Variants in GALNTL6 observed in about 807,000 individuals in gnomAD.
GALNTL6 encodes polypeptide N-acetylgalactosaminyltransferase-like 6.
A neutral mutation model predicts 73.7 loss-of-function variants in GALNTL6; 46 were observed. The observed-to-expected ratio is 0.62, with a 90% CI of 0.49 to 0.80. The LOEUF is 0.80. GALNTL6 is among the 30% of genes least tolerant of loss of function. GALNTL6 has a pLI of 0.00. For synonymous variants in GALNTL6, 259 were observed against 263.7 expected (o/e 0.98, Z 0.17); for missense variants, 604 against 755.0 (o/e 0.80, Z 2.34).
intron 2 of GALNTL6, among the ~76,000 whole-genome samples, chr4:171,958,027 G>GT (rs1253443152): frequency 5.9e-5 from 9 of 152,140 alleles, no homozygotes; most frequent in Non-Finnish European, 1.3e-4. Context: ...GCACCTTTGT[G>GT]TAAGTAATAT....
At chr4:172,963,018 A>C (rs1405994232) in intron 10 of GALNTL6, among the ~76,000 whole-genome samples, 1 of 152,100 alleles carries the variant, frequency 6.6e-6, no homozygotes. Flanking sequence ...CTAGGTAAAA[A>C]TGAAAGTCCT....
At chr4:172,103,893 C>G (rs1482745332) in intron 2 of GALNTL6, among the ~76,000 whole-genome samples, 1 of 151,928 alleles carries the variant, frequency 6.6e-6, no homozygotes, top group Non-Finnish European at 1.5e-5. Context: ...AAAGCAGATA[C>G]TTTGGGGCTA....
At chr4:172,573,447 A>G (rs1188907738) in intron 5 of GALNTL6, among the ~76,000 whole-genome samples, 1 of 152,206 alleles carries the variant, frequency 6.6e-6, no homozygotes, top group Non-Finnish European at 1.5e-5. Flanking sequence ...AAATAGAATC[A>G]TATTTCTATC....
chr4:172,163,733 A>G (rs1246089401), intron 2 of GALNTL6, among the ~76,000 whole-genome samples: 2 of 152,074 alleles, frequency 1.3e-5, no homozygotes, highest in East Asian at 1.9e-4. Context: ...GTTGAGAGCC[A>G]TCTGTAGGTA....
intron 10 of GALNTL6, among the ~76,000 whole-genome samples, chr4:172,974,541 G>T (rs1251904724): frequency 6.6e-6 from 1 of 152,314 alleles, no homozygotes; most frequent in East Asian, 1.9e-4. Flanking sequence ...CATTTAACTA[G>T]ATAGCAGTAG....
intron 10 of GALNTL6, among the ~76,000 whole-genome samples, chr4:172,990,961 A>G (rs1751514245): frequency 6.6e-6 from 1 of 152,220 alleles, no homozygotes. Flanking sequence ...AATAAGCTGA[A>G]TATGTCCCTT....
rs543630760 is a variant in GALNTL6 at position 172,973,292 on chromosome 4, G to T, written c.1371+21034G>T. Among the ~76,000 whole-genome samples, 5 of 152,290 alleles carry T rather than the reference G, an allele frequency of 3.3e-5. No homozygotes were observed. In the South Asian group the frequency reaches 1.0e-3, roughly 32 times the overall value. On this transcript the variant is annotated intron_variant, in intron 10 of 12. Transcript: ENST00000506823. Reference sequence around the variant, plus strand: ...TGGTATGATATGATGCAACGTGAAAGCATTTTAGACAAGCCAGGAAATCAA... The same window carrying T: ...TGGTATGATATGATGCAACGTGAAATCATTTTAGACAAGCCAGGAAATCAA...
chr4:172,215,441 A>G (rs979442300), intron 2 of GALNTL6, among the ~76,000 whole-genome samples: 6 of 152,114 alleles, frequency 3.9e-5, no homozygotes, highest in African/African-American at 1.4e-4. Flanking sequence ...CATATTAAGG[A>G]TACTATGTCT....
intron 3 of GALNTL6, among the ~76,000 whole-genome samples, chr4:172,254,996 C>T (rs1440148209): frequency 6.6e-6 from 1 of 151,594 alleles, no homozygotes; most frequent in Non-Finnish European, 1.5e-5. Context: ...GAAATTCAAA[C>T]ACAATAGAAA....
intron 10 of GALNTL6, among the ~76,000 whole-genome samples, chr4:172,991,049 G>C (rs1751516958): frequency 6.6e-6 from 1 of 152,130 alleles, no homozygotes; most frequent in Admixed American, 6.5e-5. Flanking sequence ...ATTTTGGAAA[G>C]TTTGTCAAAT....
intron 2 of GALNTL6, among the ~76,000 whole-genome samples, chr4:172,208,562 G>A (rs554434853): frequency 1.4e-4 from 22 of 152,178 alleles, no homozygotes; most frequent in African/African-American, 5.3e-4. Flanking sequence ...GGATTTTGAT[G>A]GCATGTTGTA....
chr4:173,021,928 A>T (rs1038537025), intron 12 of GALNTL6, among the ~76,000 whole-genome samples: 8 of 151,544 alleles, frequency 5.3e-5, no homozygotes, highest in African/African-American at 1.7e-4. Flanking sequence ...TGGGAGGGGG[A>T]GATTGCAGTG....
At chr4:172,055,225 C>T (rs903711194) in intron 2 of GALNTL6, among the ~76,000 whole-genome samples, 3 of 152,142 alleles carry the variant, frequency 2.0e-5, no homozygotes, top group African/African-American at 7.2e-5. Context: ...GTTCTCAGAG[C>T]AGCCTCCTTT....
intron 2 of GALNTL6, among the ~76,000 whole-genome samples, chr4:172,006,715 C>T (rs1423758410): frequency 3.3e-5 from 5 of 151,756 alleles, no homozygotes; most frequent in African/African-American, 9.7e-5. Context: ...TATCTGACTC[C>T]ACAGTTATTT....
chr4:172,802,803 AAACAAACAAACAAC>A (rs1163947674), intron 5 of GALNTL6, among the ~76,000 whole-genome samples: 3 of 150,010 alleles, frequency 2.0e-5, no homozygotes, highest in Admixed American at 6.6e-5. Flanking sequence ...AAAAACAAAC[AAACAAACAAACAAC>A]AACAACAACA....
chr4:172,834,716 G>A (rs1433225906), intron 7 of GALNTL6, among the ~76,000 whole-genome samples: 3 of 152,214 alleles, frequency 2.0e-5, no homozygotes, highest in Admixed American at 1.3e-4. Context: ...ACAGCCAAGA[G>A]AGATCTAGAA....
intron 2 of GALNTL6, among the ~76,000 whole-genome samples, chr4:171,948,566 C>T (rs1368150834): frequency 2.0e-5 from 3 of 151,948 alleles, no homozygotes; most frequent in Admixed American, 6.6e-5. Context: ...ACATTATCTC[C>T]CTTTTAATAA....
chr4:172,445,940 C>G (rs1005985072), intron 5 of GALNTL6, among the ~76,000 whole-genome samples: 1 of 152,050 alleles, frequency 6.6e-6, no homozygotes, highest in African/African-American at 2.4e-5. Flanking sequence ...TTGCTGAGTA[C>G]CTGTCCTGTG....
intron 5 of GALNTL6, among the ~76,000 whole-genome samples, chr4:172,758,619 T>C (rs922913327): frequency 2.0e-5 from 3 of 152,234 alleles, no homozygotes; most frequent in Non-Finnish European, 4.4e-5. Context: ...CTGAAGTAGC[T>C]CCTCTTTATC....
Sources: allele counts gnomAD v4.1 joint callset (sites outside exome capture counted in the v4.1 genomes callset), GRCh38; gene constraint gnomAD v4.1.1; transcripts MANE v1.5; gene names NCBI Gene and HGNC (gene_info 2026-07-23, HGNC 2026-07-21).